CAB39L: variants seen among roughly 807,000 people sequenced by gnomAD.
The protein encoded by CAB39L is calcium-binding protein 39-like.
In CAB39L, 23 loss-of-function variants were observed where a neutral mutation model predicts 39.1. That is an observed-to-expected ratio of 0.59 (90% CI 0.42 to 0.83). The LOEUF (loss-of-function observed/expected upper bound fraction) is 0.83. Among genes scored for constraint, CAB39L ranks in the 40% least tolerant of loss-of-function variants. The pLI is 0.00. For missense variants in CAB39L, 366 were observed against 391.9 expected (o/e 0.93, Z 0.56); for synonymous variants, 126 against 137.2 (o/e 0.92, Z 0.57).
rs1264484543 is a variant in CAB39L, at chr13:49,348,858, C to T, written c.564+1886G>A. On this transcript the variant is annotated intron_variant, in intron 7 of 10. Transcript: ENST00000409308. ...CACCACTCTTTGGTCTTCTCCATCA[C>T]AACAAATCTCTCTGACGGCCCAGCC... Among the ~76,000 whole-genome samples, 4 of 152,204 alleles carry T rather than the reference C, an allele frequency of 2.6e-5. No individual in the cohort carries two copies. In the East Asian group the frequency reaches 5.8e-4, roughly 22 times the overall value.
intron 1 of CAB39L, among the ~76,000 whole-genome samples, chr13:49,438,642 C>A (rs1957455415): frequency 6.6e-6 from 1 of 152,184 alleles, no homozygotes; most frequent in Non-Finnish European, 1.5e-5. Flanking sequence ...AATGTTGCCA[C>A]CAAAAATCCA....
chr13:49,353,833 G>A (rs1955419969), intron 6 of CAB39L, among the ~76,000 whole-genome samples: 1 of 151,788 alleles, frequency 6.6e-6, no homozygotes, highest in Admixed American at 6.6e-5. Context: ...ATCTCCATTT[G>A]GTGTCTATGT....
intron 1 of CAB39L, among the ~76,000 whole-genome samples, chr13:49,439,784 C>T (rs115046858): frequency 6.6e-6 from 1 of 151,988 alleles, no homozygotes; most frequent in Non-Finnish European, 1.5e-5. Flanking sequence ...TTCTGACTGG[C>T]GTGAGATGAT....
chr13:49,438,178 T>C (rs1957446495), intron 1 of CAB39L, among the ~76,000 whole-genome samples: 1 of 152,148 alleles, frequency 6.6e-6, no homozygotes, highest in African/African-American at 2.4e-5. Flanking sequence ...CTTCTGAGTA[T>C]GTTTAAGCTT....
chr13:49,341,225 T>C (rs1310260264), intron 8 of CAB39L, among the ~76,000 whole-genome samples: 1 of 152,114 alleles, frequency 6.6e-6, no homozygotes, highest in Non-Finnish European at 1.5e-5. Flanking sequence ...GTTCATTTCC[T>C]AAATTCAAAA....
At chr13:49,346,849 G>A (rs1475293261) in intron 7 of CAB39L, among the ~76,000 whole-genome samples, 1 of 152,134 alleles carries the variant, frequency 6.6e-6, no homozygotes, top group Non-Finnish European at 1.5e-5. Context: ...TTCTATTATG[G>A]GAATTTTTAG....
At chr13:49,442,283 A>C (rs1957537185) in intron 1 of CAB39L, among the ~76,000 whole-genome samples, 1 of 152,226 alleles carries the variant, frequency 6.6e-6, no homozygotes, top group South Asian at 2.1e-4. Flanking sequence ...TTATAAAACC[A>C]TTCTTCTACC....
intron 8 of CAB39L, 136 bp from the exon 9 acceptor site, chr13:49,339,878 T>C (rs920933622): frequency 1.6e-5 from 17 of 1,091,210 alleles, no homozygotes; most frequent in Non-Finnish European, 1.7e-5. Flanking sequence ...GTGAAGACAC[T>C]GGGGGACAGG....
intron 3 of CAB39L, chr13:49,393,034 G>A (rs1266876258): frequency 6.6e-6 from 1 of 151,924 alleles, no homozygotes; most frequent in Non-Finnish European, 1.5e-5. Context: ...ATAAAACAAA[G>A]GTCATCACAA....
At chr13:49,387,942 C>T (rs139993786) in intron 3 of CAB39L, among the ~76,000 whole-genome samples, 65 of 152,198 alleles carry the variant, frequency 4.3e-4, no homozygotes, top group African/African-American at 1.3e-3. Context: ...TGTATTCATT[C>T]GAAAAGTATT....
chr13:49,435,594 A>G (rs1424860023), intron 1 of CAB39L, among the ~76,000 whole-genome samples: 2 of 152,166 alleles, frequency 1.3e-5, no homozygotes, highest in Admixed American at 1.3e-4. Flanking sequence ...TCCGCCTCCC[A>G]GGTTCAAGCA....
chr13:49,368,930 C>T (rs1955839612), intron 5 of CAB39L, among the ~76,000 whole-genome samples: 1 of 152,048 alleles, frequency 6.6e-6, no homozygotes, highest in African/African-American at 2.4e-5. Context: ...CTAGAAAACA[C>T]CCACTTCAAA....
intron 5 of CAB39L, among the ~76,000 whole-genome samples, chr13:49,365,927 T>C (rs1322191352): frequency 6.6e-6 from 1 of 152,050 alleles, no homozygotes; most frequent in Non-Finnish European, 1.5e-5. Flanking sequence ...AAAATGCGGA[T>C]AAAGAAAATG....
intron 5 of CAB39L, among the ~76,000 whole-genome samples, chr13:49,375,870 G>A (rs1956046605): frequency 6.6e-6 from 1 of 151,998 alleles, no homozygotes; most frequent in South Asian, 2.1e-4. Context: ...GATAGAATAA[G>A]GAAGGGAAAG....
intron 4 of CAB39L, among the ~76,000 whole-genome samples, chr13:49,378,104 A>C (rs1195690633): frequency 1.8e-5 from 1 of 56,658 alleles, no homozygotes; most frequent in Non-Finnish European, 3.3e-5. Context: ...AAGTGAGGAG[A>C]CCCTCTGCCT....
chr13:49,344,408 T>C (rs1955087441), intron 7 of CAB39L, among the ~76,000 whole-genome samples, 170 bp from the exon 8 acceptor site: 2 of 152,216 alleles, frequency 1.3e-5, no homozygotes, highest in Admixed American at 1.3e-4. Flanking sequence ...CAAGTTTGTT[T>C]CATGTTAGAA....
At chr13:49,433,502 T>C (rs1181064452) in intron 2 of CAB39L, 109 bp from the exon 3 acceptor site, 1 of 380,028 alleles carries the variant, frequency 2.6e-6, no homozygotes, top group Non-Finnish European at 5.1e-6. Context: ...ATTTCCATCA[T>C]AATCAAATAC....
intron 1 of CAB39L, among the ~76,000 whole-genome samples, chr13:49,439,346 A>G (rs769077341): frequency 1.3e-5 from 2 of 152,190 alleles, no homozygotes; most frequent in Non-Finnish European, 2.9e-5. Context: ...GATTTGTTAC[A>G]TGGGTATACT....
At chr13:49,363,055 G>A (rs1270055306) in intron 5 of CAB39L, among the ~76,000 whole-genome samples, 2 of 152,186 alleles carry the variant, frequency 1.3e-5, no homozygotes, top group African/African-American at 2.4e-5. Context: ...AAAGCTGAGG[G>A]ATTTGATCAA....
Sources: allele counts gnomAD v4.1 joint callset (sites outside exome capture counted in the v4.1 genomes callset), GRCh38; gene constraint gnomAD v4.1.1; transcripts MANE v1.5; gene names NCBI Gene and HGNC (gene_info 2026-07-23, HGNC 2026-07-21).